The following SPATA17 variants were observed in gnomAD, a reference collection of about 807,000 sequenced individuals.
SPATA17 encodes the protein spermatogenesis-associated protein 17.
A neutral mutation model predicts 62.2 loss-of-function variants in SPATA17; 53 were observed. The observed-to-expected ratio is 0.85, with a 90% confidence interval of 0.68 to 1.07. The LOEUF (loss-of-function observed/expected upper bound fraction) is 1.07, where lower values mean the gene tolerates loss of function less well. SPATA17 is among the 50% of genes least tolerant of loss of function. The pLI is 0.00. For missense variants in SPATA17, 466 were observed against 425.5 expected (o/e 1.10, Z -0.84); for synonymous variants, 146 against 146.8 (o/e 0.99, Z 0.04).
At chr1:217,807,009 G>A (rs576318368) in intron 9 of SPATA17, among the ~76,000 whole-genome samples, 1 of 151,968 alleles carries the variant, frequency 6.6e-6, no homozygotes, top group African/African-American at 2.4e-5. Context: ...ACTTATCTTT[G>A]TGCTGCACTT....
At chr1:217,684,981 G>A (rs1010419750) in intron 5 of SPATA17, among the ~76,000 whole-genome samples, 2 of 152,136 alleles carry the variant, frequency 1.3e-5, no homozygotes, top group African/African-American at 4.8e-5. Flanking sequence ...TAGTCGATTG[G>A]AGAAGTAGGA....
At chr1:217,841,423 T>C (rs1281828342) in intron 9 of SPATA17, among the ~76,000 whole-genome samples, 3 of 151,992 alleles carry the variant, frequency 2.0e-5, no homozygotes, top group East Asian at 3.9e-4. Flanking sequence ...TAGAAAAGTA[T>C]GGCAAAATAT....
At chr1:217,633,878 C>T (rs1346774281) in intron 1 of SPATA17, among the ~76,000 whole-genome samples, 1 of 152,212 alleles carries the variant, frequency 6.6e-6, no homozygotes, top group Non-Finnish European at 1.5e-5. Flanking sequence ...AGGTTAGTAT[C>T]TGAGTCCTGT....
chr1:217,797,525 C>G (rs1020449665), intron 8 of SPATA17, among the ~76,000 whole-genome samples: 1 of 152,140 alleles, frequency 6.6e-6, no homozygotes, highest in Non-Finnish European at 1.5e-5. Context: ...GCTGGGATTA[C>G]AGGCATTAGC....
intron 9 of SPATA17, among the ~76,000 whole-genome samples, chr1:217,846,510 A>G (rs1018157979): frequency 2.0e-5 from 3 of 152,080 alleles, no homozygotes; most frequent in Non-Finnish European, 2.9e-5. Flanking sequence ...TAAAGATGCT[A>G]TGAATTACCT....
At chr1:217,862,068 G>GAAA (rs549453334) in intron 9 of SPATA17, among the ~76,000 whole-genome samples, 1 of 130,152 alleles carries the variant, frequency 7.7e-6, no homozygotes. Flanking sequence ...GTTTTCTTAA[G>GAAA]AAAAAAAAAA....
intron 6 of SPATA17, among the ~76,000 whole-genome samples, chr1:217,757,136 T>C (rs1673064354): frequency 6.6e-6 from 1 of 152,202 alleles, no homozygotes; most frequent in South Asian, 2.1e-4. Flanking sequence ...AAAGTGCTGT[T>C]ATGGAATAAT....
chr1:217,816,211 A>G (rs1289615567), intron 9 of SPATA17, among the ~76,000 whole-genome samples: 1 of 152,016 alleles, frequency 6.6e-6, no homozygotes, highest in Non-Finnish European at 1.5e-5. Flanking sequence ...TTGTCTCTCA[A>G]TTTATTAAAA....
intron 3 of SPATA17, among the ~76,000 whole-genome samples, chr1:217,661,531 A>C (rs1670569701): frequency 6.6e-6 from 1 of 152,124 alleles, no homozygotes; most frequent in Admixed American, 6.5e-5. Context: ...AACCCACAAT[A>C]ATAGAGCTAT....
At chr1:217,670,855 G>A (rs1481769313) in intron 4 of SPATA17, among the ~76,000 whole-genome samples, 1 of 151,386 alleles carries the variant, frequency 6.6e-6, no homozygotes, top group Non-Finnish European at 1.5e-5. Flanking sequence ...GGTGGCTGAG[G>A]CAGGAGAATC....
intron 9 of SPATA17, among the ~76,000 whole-genome samples, chr1:217,828,663 C>T (rs564956938): frequency 6.6e-6 from 1 of 151,690 alleles, no homozygotes; most frequent in Non-Finnish European, 1.5e-5. Flanking sequence ...GAAAAGGCAA[C>T]CTACAAACTG....
intron 5 of SPATA17, among the ~76,000 whole-genome samples, chr1:217,687,818 G>A (rs1006480421): frequency 1.3e-5 from 2 of 152,148 alleles, no homozygotes; most frequent in Non-Finnish European, 2.9e-5. Context: ...CAAATGAATA[G>A]ATTTTGTTTT....
At chr1:217,709,011 A>T (rs1671798578) in intron 5 of SPATA17, among the ~76,000 whole-genome samples, 1 of 152,122 alleles carries the variant, frequency 6.6e-6, no homozygotes, top group Non-Finnish European at 1.5e-5. Context: ...AATCTTCAAC[A>T]AACAAGGCAT....
intron 5 of SPATA17, among the ~76,000 whole-genome samples, chr1:217,712,160 C>G (rs1056364743): frequency 8.7e-6 from 1 of 114,464 alleles, no homozygotes; most frequent in Non-Finnish European, 1.8e-5. Context: ...GAGTTTCGCT[C>G]TTGTTGCCTG....
At chr1:217,649,271 G>A (rs1670254844) in intron 2 of SPATA17, among the ~76,000 whole-genome samples, 1 of 152,024 alleles carries the variant, frequency 6.6e-6, no homozygotes, top group East Asian at 1.9e-4. Context: ...TTGAGGTCAG[G>A]AGTTTGAGAT....
intron 4 of SPATA17, among the ~76,000 whole-genome samples, chr1:217,679,444 A>G (rs967003158): frequency 6.6e-6 from 1 of 152,172 alleles, no homozygotes. Flanking sequence ...GGAGCTCAAT[A>G]AATTTTAGAT....
intron 1 of SPATA17, among the ~76,000 whole-genome samples, chr1:217,639,289 A>G (rs1365525918): frequency 6.6e-6 from 1 of 152,154 alleles, no homozygotes; most frequent in Non-Finnish European, 1.5e-5. Flanking sequence ...CACAAAAACA[A>G]TAATTACTAA....
At chr1:217,655,659 T>C (rs993987411) in intron 3 of SPATA17, among the ~76,000 whole-genome samples, 1 of 152,212 alleles carries the variant, frequency 6.6e-6, no homozygotes, top group Non-Finnish European at 1.5e-5. Context: ...TTTTCCTCTC[T>C]TCCATTTATT....
At chr1:217,758,318 A>G (rs574519333) in intron 6 of SPATA17, among the ~76,000 whole-genome samples, 16 of 152,298 alleles carry the variant, frequency 1.1e-4, no homozygotes, top group Non-Finnish European at 1.9e-4. Context: ...TGACTACATG[A>G]CACTATCGCT....
Sources: gnomAD v4.1 joint callset for allele counts (sites outside exome capture counted in the v4.1 genomes callset) on GRCh38, gnomAD v4.1.1 for gene constraint, MANE v1.5 for transcripts, NCBI Gene and HGNC (gene_info 2026-07-23, HGNC 2026-07-21) for gene names.